The following ABHD1 variants were observed in gnomAD, a reference collection of about 807,000 sequenced individuals.
ABHD1 encodes the protein abhydrolase domain containing 1.
A neutral mutation model predicts 41.4 loss-of-function variants in ABHD1; 47 were observed. The observed-to-expected ratio is 1.13, with a 90% CI of 0.90 to 1.45. The LOEUF (loss-of-function observed/expected upper bound fraction) is 1.45, where lower values mean the gene tolerates loss of function less well. ABHD1 is among the 40% of genes most tolerant of loss of function. ABHD1 has a pLI of 0.00. For missense variants in ABHD1, 550 were observed against 503.4 expected (o/e 1.09, Z -0.89); for synonymous variants, 205 against 203.7 (o/e 1.01, Z -0.05).
At chr2:27,128,911 T>C (rs1672093087) in intron 2 of ABHD1, 34 bp from the exon 3 acceptor site, 1 of 1,602,542 alleles carries the variant, frequency 6.2e-7, no homozygotes, top group South Asian at 1.1e-5. Context: ...AAGTTCTTAA[T>C]AGTATCTTTG....
At position 27,128,596 on chromosome 2, in the gene ABHD1, T is replaced by C. The variant is rs1273709671; in HGVS notation, c.270T>C (p.Tyr90=). Residue 90 remains tyrosine (Y), a synonymous_variant, in exon 2 of 9, where the codon TAT becomes TAC. Transcript: ENST00000316470. ...TGCAGTCTCAGCCCCTAGTCCTTTA[T>C]CAGAGGTAAGAAGGGACAGAACAGG... is the stretch of plus-strand genomic sequence containing the variant. The part of the protein sequence containing the change: ...VLLQSQPLVL[Y]QSDILQTPDG... 1.2e-6 allele frequency: 2 copies of C among 1,613,948 alleles called. No homozygotes were observed. Among genetic ancestry groups the C allele is most frequent in the African/African-American group, 1.3e-5 (1 of 74,894 alleles).
chr2:27,129,453 T>C, intron 4 of ABHD1, 61 bp from the exon 5 acceptor site: 1 of 1,612,078 alleles, frequency 6.2e-7, no homozygotes, highest in South Asian at 1.1e-5. Context: ...CCTTCCTCAG[T>C]TTCCCCTCCA....
Position 27,123,907 on chromosome 2 carries a change from G to A in ABHD1, c.-42G>A, listed in dbSNP as rs1323142276. The A allele has an allele frequency of 1.6e-5, 26 of 1,577,594 alleles. No individual in the cohort carries two copies. Among genetic ancestry groups the A allele is most frequent in the Non-Finnish European group, 2.2e-5 (25 of 1,149,080 alleles). ...ACCGCGAGTTACAGCCGGCCAACTG[G>A]GGCCAGCCAGGAGCCTGAGGGTCGG... On this transcript the variant is annotated 5_prime_UTR_variant, in exon 1 of 9. An upstream open reading frame in the 5' UTR gains an earlier in-frame stop. Transcript: ENST00000316470.
At position 27,129,660 on chromosome 2, in the gene ABHD1, G is replaced by A; in HGVS notation, c.617+34G>A. On this transcript the variant is annotated intron_variant, in intron 5 of 8. Transcript: ENST00000316470. Reference sequence around the variant, plus strand: ...TGCCTGGGCTTAGCCCAGAGGCCCAGTCTTCCTTTTTTTCCTCCTCCATGT... The same window carrying A: ...TGCCTGGGCTTAGCCCAGAGGCCCAATCTTCCTTTTTTTCCTCCTCCATGT... 3.7e-6 allele frequency: 6 copies of A among 1,610,190 alleles called. No homozygotes were observed. The South Asian group carries it at 6.6e-5, about 18-fold the overall frequency.
At position 27,123,844 on chromosome 2, in the gene ABHD1, G is replaced by C. The variant is rs1413188967; in HGVS notation, c.-105G>C. On this transcript the variant is annotated 5_prime_UTR_variant, in exon 1 of 9. Coordinates refer to ENST00000316470, the MANE Select transcript of ABHD1 (RefSeq NM_032604.4). ...GCGCAAACTGCCTGCAGCGGGGACC[G>C]GACCTGCACAGGCCGCCTATGGCGG... The C allele has an allele frequency of 6.3e-6, 6 of 949,090 alleles. No individual in the cohort carries two copies. The highest frequency in any genetic ancestry group is 4.1e-5 in the Admixed American group (2 of 48,644). 58.8% of individuals were successfully genotyped at this position (949,090 alleles called of 1,614,324 possible).
At position 27,124,007 on chromosome 2, in the gene ABHD1, T is replaced by C; in HGVS notation, c.59T>C (p.Leu20Pro). The change falls in exon 1 of 9, where the codon CTC becomes CCC. Residue 20 changes from leucine to proline, a missense_variant. Leu to Pro is a moderately conservative substitution (Grantham distance 98, BLOSUM62 -3). Coordinates refer to ENST00000316470, the MANE Select transcript of ABHD1 (RefSeq NM_032604.4). ...NGTWADTFSL[L>P]LALAVALYLG... is the part of the protein sequence containing the mutation. ...ACCTGGGCAGACACCTTCTCTCTGC[T>C]CTTGGCTCTTGCCGTTGCCCTCTAC... The C allele has an allele frequency of 6.2e-7, 1 of 1,614,234 alleles. No homozygotes were observed. Among genetic ancestry groups the C allele is most frequent in the South Asian group, 1.1e-5 (1 of 91,088 alleles).
chr2:27,127,567 A>AAAG (rs1558473442), intron 1 of ABHD1, among the ~76,000 whole-genome samples: 3 of 55,548 alleles, frequency 5.4e-5, no homozygotes, highest in African/African-American at 1.1e-4. Flanking sequence ...AAAAAAAAAA[A>AAAG]AAAAGAAAAA....
Position 27,130,106 on chromosome 2 carries a change from A to T in ABHD1, c.793A>T (p.Asn265Tyr), listed in dbSNP as rs760806677. 3 of 1,614,214 alleles carry T rather than the reference A, an allele frequency of 1.9e-6. No individual in the cohort carries two copies. The highest frequency in any genetic ancestry group is 2.2e-5 in the South Asian group (2 of 91,084). ...CCAAACTCTTATGTACTTTTGCAGA[A>T]ACAGAAAGGTGATTGAAAAGGTGGT... is the stretch of plus-strand genomic sequence containing the variant. ...TAGLCQLVERNRKVIEKVVDI... is the reference protein window; with the variant it reads ...TAGLCQLVERYRKVIEKVVDI... Residue 265 changes from asparagine (N) to tyrosine (Y), a missense_variant and splice_region_variant, in exon 7 of 9, where the codon AAC becomes TAC. Asn to Tyr is a moderately radical substitution (Grantham distance 143). Coordinates refer to ENST00000316470, the MANE Select transcript of ABHD1 (RefSeq NM_032604.4).
At chr2:27,129,224 A>C in intron 3 of ABHD1, 92 bp from the exon 4 acceptor site, 1 of 1,598,774 alleles carries the variant, frequency 6.3e-7, no homozygotes, top group South Asian at 1.1e-5. Context: ...AATGCTACAC[A>C]AAGGGAGTCT....
At position 27,123,963 on chromosome 2, in the gene ABHD1, C is replaced by T. The variant is rs1572912941; in HGVS notation, c.15C>T (p.Phe5=). MLSS[F]LSPQNGTWAD... ...CCCAACACAAGATGCTGAGCTCCTT[C>T]CTGAGCCCCCAGAATGGCACCTGGG... The change falls in exon 1 of 9, where the codon TTC becomes TTT. Residue 5 remains phenylalanine (F), a synonymous_variant. Coordinates refer to ENST00000316470, the MANE Select transcript of ABHD1 (RefSeq NM_032604.4). 1.2e-6 allele frequency: 2 copies of T among 1,614,240 alleles called. No homozygotes were observed. The highest frequency in any genetic ancestry group is 1.1e-5 in the South Asian group (1 of 91,092).
intron 1 of ABHD1, chr2:27,126,677 TC>T (rs1206021022): frequency 3.9e-5 from 6 of 152,326 alleles, no homozygotes; most frequent in African/African-American, 1.4e-4. Flanking sequence ...TGTTATTTCA[TC>T]CTTGTCACCT....
At chr2:27,124,284 A>G (rs1671865164) in intron 1 of ABHD1, 1 of 648,670 alleles carries the variant, frequency 1.5e-6, no homozygotes, top group South Asian at 1.5e-5. Flanking sequence ...GCTGCTCCCT[A>G]TAATGTGGAC....
chr2:27,126,494 C>A (rs1178244905), intron 1 of ABHD1: 1 of 152,252 alleles, frequency 6.6e-6, no homozygotes, highest in East Asian at 1.9e-4. Flanking sequence ...ATCTGGTCCT[C>A]ATGTTCCTTA....
chr2:27,130,030 T>C (rs978935299), intron 6 of ABHD1, 75 bp from the exon 7 acceptor site: 26 of 1,600,426 alleles, frequency 1.6e-5, no homozygotes, highest in Non-Finnish European at 1.2e-5. Flanking sequence ...TCCTCACACA[T>C]GAGATAGTAA....
At chr2:27,129,679 T>TC (rs1157744602) in intron 5 of ABHD1, 53 bp downstream of exon 5, 3 of 1,609,706 alleles carry the variant, frequency 1.9e-6, no homozygotes, top group Non-Finnish European at 1.7e-6. Context: ...TTTTTCCTCC[T>TC]CCATGTCCCC....
intron 8 of ABHD1, 41 bp downstream of exon 8, chr2:27,130,457 T>TG (rs891317708): frequency 6.2e-6 from 10 of 1,613,116 alleles, no homozygotes; most frequent in African/African-American, 2.7e-5. Context: ...CCAAGGAAAA[T>TG]GGGCCATGAG....
chr2:27,123,820 C>T lies in ABHD1; in HGVS notation c.-129C>T. ...CACCGGCGGTGGGCGGGGCCAGCAG[C>T]GCAAACTGCCTGCAGCGGGGACCGG... On this transcript the variant is annotated 5_prime_UTR_variant, in exon 1 of 9. Coordinates refer to ENST00000316470, the MANE Select transcript of ABHD1 (RefSeq NM_032604.4). 2.7e-6 allele frequency: 2 copies of T among 730,328 alleles called. No individual in the cohort carries two copies. Among genetic ancestry groups the T allele is most frequent in the Non-Finnish European group, 4.5e-6 (2 of 440,536 alleles). 45.2% of individuals were successfully genotyped at this position (730,328 alleles called of 1,614,324 possible). A position where few individuals can be genotyped will look rare whatever the true frequency, so the allele number is the denominator to read the frequency against.
At position 27,127,503 on chromosome 2, in the gene ABHD1, G is replaced by A. The variant is rs1345232594; in HGVS notation, c.115-938G>A. Among the ~76,000 whole-genome samples the A allele has an allele frequency of 1.2e-3, 153 of 128,260 alleles. 1 individual carries two copies. The East Asian group carries it at 0.023, about 19-fold the overall frequency. The allele number at this position is 128,260 out of a possible 152,430, so 84.1% of individuals were successfully genotyped here. On this transcript the variant is annotated intron_variant, in intron 1 of 8. Transcript: ENST00000316470. ...CGGGAGGTGGAGCTTGCAGTGAGCC[G>A]AGATTGCGCCACTGCACTCCAGCCT...
rs558385672 is a variant in ABHD1 at position 27,128,235 on chromosome 2, G to C, written c.115-206G>C. 6.6e-5 allele frequency among the ~76,000 whole-genome samples: 10 copies of C among 152,298 alleles called. No homozygotes were observed. In the East Asian group the frequency reaches 1.7e-3, roughly 26 times the overall value. On this transcript the variant is annotated intron_variant, in intron 1 of 8. Transcript: ENST00000316470. Reference sequence around the variant, plus strand: ...GTCAATTCTGGGCAGTGACACTCCAGGACTGGGTTTTTTAGGGGCTCTAGC... The same window carrying C: ...GTCAATTCTGGGCAGTGACACTCCACGACTGGGTTTTTTAGGGGCTCTAGC...
Sources: allele counts gnomAD v4.1 joint callset (sites outside exome capture counted in the v4.1 genomes callset), GRCh38; gene constraint gnomAD v4.1.1; transcripts MANE v1.5; gene names NCBI Gene and HGNC (gene_info 2026-07-23, HGNC 2026-07-21).